Variants in QRICH2 observed in about 807,000 individuals in gnomAD.
QRICH2 encodes the protein glutamine-rich protein 2.
A neutral mutation model predicts 168.3 loss-of-function variants in QRICH2; 119 were observed. The ratio of observed to expected loss-of-function variants is 0.71; its 90% CI spans 0.61 to 0.82. QRICH2 has a LOEUF of 0.82. Ranked by LOEUF, QRICH2 falls within the 40% of genes least tolerant of loss-of-function variation. The pLI, the probability that QRICH2 is intolerant of heterozygous loss-of-function variation, is 0.00. For synonymous variants in QRICH2, 894 were observed against 951.2 expected, an observed-to-expected ratio of 0.94 and a Z score of 1.11; for missense variants, 2,241 against 2,491.6, an observed-to-expected ratio of 0.90 and a Z score of 2.14.
At chr17:76,301,460 G>C in intron 3 of QRICH2, 1 of 239,598 alleles carries the variant, frequency 4.2e-6, no homozygotes. Flanking sequence ...CCCAACTACC[G>C]GGGAGGCTGA....
chr17:76,298,602 GCAAC>G (rs1289618002), intron 3 of QRICH2, among the ~76,000 whole-genome samples: 2 of 151,942 alleles, frequency 1.3e-5, no homozygotes, highest in Admixed American at 1.3e-4. Context: ...AAAGGCGTGA[GCAAC>G]CATGTCTGAC....
upstream of QRICH2, chr17:76,308,283 T>C (rs1168222875): frequency 1.0e-6 from 1 of 985,186 alleles, no homozygotes; most frequent in Non-Finnish European, 1.2e-6. Flanking sequence ...GTTTGAAACG[T>C]GGGGGCCCCC....
chr17:76,278,913 C>T, intron 14 of QRICH2, 128 bp downstream of exon 14: 1 of 799,770 alleles, frequency 1.3e-6, no homozygotes, highest in Non-Finnish European at 2.1e-6. Flanking sequence ...AGGCTCTCCA[C>T]ACTGTCCCAC....
Position 76,293,227 on chromosome 17 carries a change from C to A in QRICH2, c.1500G>T (p.Met500Ile). 6.2e-7 allele frequency: 1 copy of A among 1,614,066 alleles called. No individual in the cohort carries two copies. Among genetic ancestry groups the A allele is most frequent in the South Asian group, 1.1e-5 (1 of 91,082 alleles). ...CAGGGGGTACTAGTCCTTGCTGACCCATGCCTGATATTACACATCCACGCT... is the reference window on the plus strand; with the variant it reads ...CAGGGGGTACTAGTCCTTGCTGACCAATGCCTGATATTACACATCCACGCT... ...MDQRGCVISG[M>I]GQQGLVPPGI... Residue 500 changes from methionine (M) to isoleucine (I), a missense_variant, in exon 4 of 19, where the codon ATG becomes ATT. Around this residue, in one of 3 missense-constraint regions of QRICH2, gnomAD observed 2,047 missense variants for 2,303.8 expected, o/e 0.89. Coordinates refer to ENST00000680821, the MANE Select transcript of QRICH2 (RefSeq NM_001388453.1).
At chr17:76,286,661 T>C (rs2070889788) in intron 7 of QRICH2, among the ~76,000 whole-genome samples, 1 of 151,958 alleles carries the variant, frequency 6.6e-6, no homozygotes, top group Non-Finnish European at 1.5e-5. Context: ...ATAAAAAAGA[T>C]AGGGAAAGAT....
In QRICH2 at chr17:76,292,301, C is replaced by T. The variant is rs144628984; in HGVS notation, c.2426G>A (p.Arg809His). ...RGLVQPGAVQ[R>H]GLVQPGAVQR... Reference sequence around the variant, plus strand: ...AACTGCACCAGGTTGCACCAAACCACGCTGAACTGCACCAGGTTGCACCAA... The same window carrying T: ...AACTGCACCAGGTTGCACCAAACCATGCTGAACTGCACCAGGTTGCACCAA... The change falls in exon 4 of 19, where the codon CGT becomes CAT. Residue 809 changes from arginine to histidine, a missense_variant. Physicochemically the swap from Arg to His is conservative, Grantham distance 29. This residue lies in a region of QRICH2 where 2,047 missense variants were observed against 2,303.8 expected (regional missense o/e 0.89). Transcript: ENST00000680821. 1.3e-4 allele frequency: 205 copies of T among 1,598,624 alleles called. 1 individual carries two copies. The highest frequency in any genetic ancestry group is 5.0e-4 in the Middle Eastern group (3 of 5,996).
At position 76,293,316 on chromosome 17, in the gene QRICH2, A is replaced by G; in HGVS notation, c.1411T>C (p.Tyr471His). The G allele has an allele frequency of 1.9e-6, 3 of 1,614,108 alleles. No individual in the cohort carries two copies. Among genetic ancestry groups the G allele is most frequent in the Non-Finnish European group, 2.5e-6 (3 of 1,180,032 alleles). ...DQHGLVSVSAYQHGMTFPGTD... is the reference protein window; with the variant it reads ...DQHGLVSVSAHQHGMTFPGTD... ...CCAGGAAATGTCATACCATGCTGAT[A>G]TGCACTGACTGAAACCAGACCATGT... Residue 471 changes from tyrosine to histidine, a missense_variant, in exon 4 of 19, where the codon TAT becomes CAT. Tyr to His is a moderately conservative substitution (Grantham distance 83). Transcript: ENST00000680821.
chr17:76,287,760 G>A (rs2070917000), intron 6 of QRICH2, 40 bp downstream of exon 6: 1 of 1,493,462 alleles, frequency 6.7e-7, no homozygotes, highest in Non-Finnish European at 9.3e-7. Flanking sequence ...GAGAATTCGT[G>A]ATGCCAGGGG....
At position 76,307,787 on chromosome 17, in the gene QRICH2, G is replaced by A. The variant is rs2071014430; in HGVS notation, c.212C>T (p.Pro71Leu). 2 of 1,374,678 alleles carry A rather than the reference G, an allele frequency of 1.5e-6. No homozygotes were observed. Among genetic ancestry groups the A allele is most frequent in the African/African-American group, 1.5e-5 (1 of 66,776 alleles). The allele number at this position is 1,374,678 out of a possible 1,614,324, so 85.2% of individuals were successfully genotyped here. A position where few individuals can be genotyped will look rare whatever the true frequency, so the allele number is the denominator to read the frequency against. The part of the protein sequence containing the change: ...LQSVRSSFSI[P>L]HLPAPKEVPK... Reference sequence around the variant, plus strand: ...CACCTCCTTGGGCGCGGGCAGGTGCGGGATGCTGAACGAGCTCCGGACGGA... The same window carrying A: ...CACCTCCTTGGGCGCGGGCAGGTGCAGGATGCTGAACGAGCTCCGGACGGA... Residue 71 changes from proline to leucine, a missense_variant, in exon 1 of 19, where the codon CCG (proline) becomes CTG (leucine). This residue lies in a region of QRICH2 where 2,047 missense variants were observed against 2,303.8 expected (regional missense o/e 0.89). Transcript: ENST00000680821. This position sits in a 1 kb window ranked among gnomAD's most constrained non-coding sequence, Gnocchi z 5.3.
intron 14 of QRICH2, among the ~76,000 whole-genome samples, chr17:76,278,398 C>T (rs1235569768): frequency 6.6e-6 from 1 of 152,260 alleles, no homozygotes; most frequent in Non-Finnish European, 1.5e-5. Context: ...TGGGGAAGTG[C>T]AGGCCAGCCA....
In QRICH2 at chr17:76,291,827, T is replaced by C; in HGVS notation, c.2900A>G (p.Asp967Gly). ...ACCAGGTTGTCTCAAACCATACTGA[T>C]CCATTCCTGGCTGCACCAGACCACG... ...YPRGLVQPGMDQYGLRQPGAY... is the reference protein window; with the variant it reads ...YPRGLVQPGMGQYGLRQPGAY... Residue 967 changes from aspartate (D) to glycine (G), a missense_variant, in exon 4 of 19, where the codon GAT becomes GGT. Coordinates refer to ENST00000680821, the MANE Select transcript of QRICH2 (RefSeq NM_001388453.1). 1.9e-6 allele frequency: 3 copies of C among 1,614,018 alleles called. No homozygotes were observed. The highest frequency in any genetic ancestry group is 2.5e-6 in the Non-Finnish European group (3 of 1,179,970).
In QRICH2 at chr17:76,274,208, C is replaced by T; in HGVS notation, c.5535G>A (p.Gln1845=). 1 of 1,598,562 alleles carries T rather than the reference C, an allele frequency of 6.3e-7. No individual in the cohort carries two copies. The highest frequency in any genetic ancestry group is 1.8e-5 in the Admixed American group (1 of 55,960). ...DRPSSEGRLS[Q]PNTAHPPSSA... The stretch of plus-strand genomic sequence containing the variant: ...AGCTGGGCGGGTGGGCTGTGTTCGG[C>T]TGGGAGAGACGGCCCTCGGAGGAAG... Residue 1845 remains glutamine, a synonymous_variant, in exon 19 of 19, where the codon CAG becomes CAA. Coordinates refer to ENST00000680821, the MANE Select transcript of QRICH2 (RefSeq NM_001388453.1).
At chr17:76,310,124 G>C (rs1170429873), upstream of QRICH2, 1 of 151,790 alleles carries the variant, frequency 6.6e-6, no homozygotes, top group East Asian at 1.9e-4. Context: ...CGAGTAGCTG[G>C]GATTACAGGC....
rs2071038668 is a variant in QRICH2 at position 76,292,949 on chromosome 17, G to A, written c.1778C>T (p.Pro593Leu). 6.2e-7 allele frequency: 1 copy of A among 1,613,952 alleles called. No homozygotes were observed. Among genetic ancestry groups the A allele is most frequent in the Non-Finnish European group, 8.5e-7 (1 of 1,180,026 alleles). The change falls in exon 4 of 19, where the codon CCT becomes CTT. Residue 593 changes from proline to leucine, a missense_variant. Coordinates refer to ENST00000680821, the MANE Select transcript of QRICH2 (RefSeq NM_001388453.1). ...RGAYQPGLVQ[P>L]GADQRGLVRP... ...GACCAAACCACGCTGATCTGCACCA[G>A]GTTGGACCAAGCCAGGCTGATATGC... is the stretch of plus-strand genomic sequence containing the variant.
intron 3 of QRICH2, among the ~76,000 whole-genome samples, chr17:76,294,533 C>A (rs993068204): frequency 6.6e-6 from 1 of 151,726 alleles, no homozygotes; most frequent in African/African-American, 2.4e-5. Context: ...ATTTTTGTGG[C>A]CAGGTGCGGT....
chr17:76,302,275 G>A (rs1318173677), intron 3 of QRICH2, among the ~76,000 whole-genome samples: 4 of 151,870 alleles, frequency 2.6e-5, no homozygotes, highest in South Asian at 2.1e-4. Flanking sequence ...AAACTGTACC[G>A]ACCTTTCTAG....
At chr17:76,304,254 G>A (rs1239665264) in intron 3 of QRICH2, among the ~76,000 whole-genome samples, 161 bp downstream of exon 3, 2 of 152,186 alleles carry the variant, frequency 1.3e-5, no homozygotes, top group Non-Finnish European at 2.9e-5. Flanking sequence ...ACACGTGAAT[G>A]ACACCTTGTT....
chr17:76,299,031 C>T (rs1158873289), intron 3 of QRICH2, among the ~76,000 whole-genome samples: 1 of 152,012 alleles, frequency 6.6e-6, no homozygotes, highest in African/African-American at 2.4e-5. Context: ...GGAAATAAAA[C>T]TTCTGTAGGG....
chr17:76,290,512 C>G (rs998070909), intron 4 of QRICH2, among the ~76,000 whole-genome samples: 3 of 152,126 alleles, frequency 2.0e-5, no homozygotes, highest in Non-Finnish European at 4.4e-5. Flanking sequence ...TCCCAAGTAG[C>G]TGGGACTACA....
Sources: allele counts gnomAD v4.1 joint callset (sites outside exome capture counted in the v4.1 genomes callset), GRCh38; gene constraint gnomAD v4.1.1; regional missense constraint gnomAD v4.1.1; non-coding constraint Gnocchi (gnomAD v3.1); transcripts MANE v1.5; gene names NCBI Gene and HGNC (gene_info 2026-07-23, HGNC 2026-07-21).